TUBE1: variants seen among roughly 807,000 people sequenced by gnomAD.
The protein encoded by TUBE1 is tubulin epsilon chain.
Under a neutral mutation model 53.5 loss-of-function variants are expected in TUBE1, and 34 were observed. The observed-to-expected ratio is 0.64, with a 90% CI of 0.48 to 0.85. The LOEUF (loss-of-function observed/expected upper bound fraction) is 0.85, where lower values mean the gene tolerates loss of function less well. Ranked by LOEUF, TUBE1 falls within the 40% of genes least tolerant of loss-of-function variation. The pLI, the probability that TUBE1 is intolerant of heterozygous loss-of-function variation, is 0.00. For synonymous variants in TUBE1, 177 were observed against 198.4 expected, an observed-to-expected ratio of 0.89 and a Z score of 0.91; for missense variants, 532 against 570.5, an observed-to-expected ratio of 0.93 and a Z score of 0.69.
Position 112,072,919 on chromosome 6 carries a change from T to C in TUBE1, c.954-21A>G, listed in dbSNP as rs143388116. ...CCAATCTGCAACAATGAAATTGTCA[T>C]TGTTTATACAAAATATTACTTCTTT... On this transcript the variant is annotated intron_variant, in intron 9 of 11. Transcript: ENST00000368662. The C allele has an allele frequency of 2.6e-4, 411 of 1,610,180 alleles. 2 individuals are homozygous for C. The East Asian group carries it at 8.3e-3, about 33-fold the overall frequency.
At chr6:112,083,055 T>C (rs1295644765) in intron 4 of TUBE1, among the ~76,000 whole-genome samples, 1 of 152,134 alleles carries the variant, frequency 6.6e-6, no homozygotes, top group African/African-American at 2.4e-5. Flanking sequence ...AAGATTCAAC[T>C]GGGAGTAGTC....
chr6:112,081,255 A>G lies in TUBE1; in HGVS notation c.211-48T>C, dbSNP rs375397013. 3.0e-5 allele frequency: 32 copies of G among 1,051,896 alleles called. 1 individual carries two copies. In the East Asian group the frequency reaches 3.1e-4, roughly 10 times the overall value. The allele number at this position is 1,051,896 out of a possible 1,614,324, so 65.2% of individuals were successfully genotyped here. On this transcript the variant is annotated intron_variant, in intron 4 of 11. Coordinates refer to ENST00000368662, the MANE Select transcript of TUBE1 (RefSeq NM_016262.5). ...AATTAATGTATTTTCTTTTAGAGTTATTCACTCTGTAAATGAAAAGAATTT... is the reference window on the plus strand; with the variant it reads ...AATTAATGTATTTTCTTTTAGAGTTGTTCACTCTGTAAATGAAAAGAATTT...
At chr6:112,087,119 G>C (rs1357092342) in intron 2 of TUBE1, 114 bp downstream of exon 2, 2 of 873,446 alleles carry the variant, frequency 2.3e-6, no homozygotes, top group Non-Finnish European at 3.5e-6. Context: ...TCTTTACTGG[G>C]AAGATCCCAT....
In TUBE1 at chr6:112,083,508, C is replaced by T. The variant is rs187953972; in HGVS notation, c.210+681G>A. On this transcript the variant is annotated intron_variant, in intron 4 of 11. Coordinates refer to ENST00000368662, the MANE Select transcript of TUBE1 (RefSeq NM_016262.5). ...TAATTTTTTGTATTTTTAGTAGAGA[C>T]GGGGTTTCACCATGTTAGCCAGGAT... 5.1e-3 allele frequency among the ~76,000 whole-genome samples: 771 copies of T among 151,950 alleles called. 9 individuals carry two copies. Among genetic ancestry groups the T allele is most frequent in the African/African-American group, 0.017 (684 of 41,442 alleles).
chr6:112,072,615 G>T, intron 10 of TUBE1, 143 bp downstream of exon 10: 3 of 711,620 alleles, frequency 4.2e-6, no homozygotes, highest in Non-Finnish European at 6.5e-6. Flanking sequence ...AGAAAACAAG[G>T]CACAAAGAGA....
intron 5 of TUBE1, among the ~76,000 whole-genome samples, chr6:112,080,125 T>C (rs1276290782): frequency 6.6e-6 from 1 of 152,056 alleles, no homozygotes; most frequent in African/African-American, 2.4e-5. Flanking sequence ...TAGTGGATTT[T>C]ACATACTAAA....
intron 11 of TUBE1, 83 bp downstream of exon 11, chr6:112,071,819 G>T: frequency 7.5e-7 from 1 of 1,338,244 alleles, no homozygotes; most frequent in Non-Finnish European, 1.0e-6. Flanking sequence ...CATCACCCCT[G>T]ATTTGTAATA....
At chr6:112,080,156 C>G (rs1380498525) in intron 5 of TUBE1, among the ~76,000 whole-genome samples, 1 of 151,756 alleles carries the variant, frequency 6.6e-6, no homozygotes, top group African/African-American at 2.4e-5. Context: ...TGGTAAACTA[C>G]AGAGACACTG....
intron 2 of TUBE1, 41 bp downstream of exon 2, chr6:112,087,192 C>G (rs1777176243): frequency 1.3e-6 from 2 of 1,536,174 alleles, no homozygotes; most frequent in African/African-American, 2.7e-5. Context: ...GCTGGAAGAC[C>G]TAGCTGACAG....
chr6:112,081,408 T>G (rs1473962576), intron 4 of TUBE1, among the ~76,000 whole-genome samples: 1 of 152,070 alleles, frequency 6.6e-6, no homozygotes, highest in African/African-American at 2.4e-5. Context: ...AAAAAATGGA[T>G]TCTAAATTCT....
chr6:112,071,857 T>G (rs985373606), intron 11 of TUBE1, 45 bp downstream of exon 11: 3 of 1,528,320 alleles, frequency 2.0e-6, no homozygotes, highest in Non-Finnish European at 2.6e-6. Flanking sequence ...ACATCTTAAA[T>G]AGCCAAAATA....
At chr6:112,085,535 G>T (rs114744473) in intron 3 of TUBE1, 3,841 of 382,280 alleles carry the variant, frequency 0.01, 138 homozygotes, top group African/African-American at 0.076. Context: ...AAGGAAGTAT[G>T]ACAGAAGCAA....
rs372030819 is a variant in TUBE1 at position 112,072,814 on chromosome 6, A to T, written c.1038T>A (p.Cys346Ter). 4 of 1,613,632 alleles carry T rather than the reference A, an allele frequency of 2.5e-6. No individual in the cohort carries two copies. The highest frequency in any genetic ancestry group is 3.4e-6 in the Non-Finnish European group (4 of 1,179,756). ...GTACATTTCCTCTAACCATGAGTGC[A>T]CAGGCGAGGTAAAGACTGTGTTTGG... ...ADPKHSLYLA[C>*]ALMVRGNVQI... Residue 346 changes from cysteine to a stop codon, truncating the protein, a stop_gained, in exon 10 of 12, where the codon TGT becomes TGA. Transcript: ENST00000368662. LOFTEE classifies it high-confidence loss of function.
At chr6:112,082,080 A>G (rs1254764496) in intron 4 of TUBE1, among the ~76,000 whole-genome samples, 3 of 152,176 alleles carry the variant, frequency 2.0e-5, no homozygotes, top group Non-Finnish European at 2.9e-5. Context: ...CTGTTACCAT[A>G]TAACATTAAG....
intron 9 of TUBE1, among the ~76,000 whole-genome samples, chr6:112,074,347 A>G (rs1259228900): frequency 2.8e-5 from 4 of 144,312 alleles, no homozygotes; most frequent in African/African-American, 1.2e-4. Context: ...CCCAATAAGT[A>G]TATGAGGTAG....
Position 112,079,550 on chromosome 6 carries a change from T to A in TUBE1, c.448+83A>T, listed in dbSNP as rs1777034648. ...TAGTTCTATCTTTATCAAGCACAGG[T>A]CTAAAAACAAGACTTACGTTTGCAA... On this transcript the variant is annotated intron_variant, in intron 6 of 11. Coordinates refer to ENST00000368662, the MANE Select transcript of TUBE1 (RefSeq NM_016262.5). 7 of 1,404,056 alleles carry A rather than the reference T, an allele frequency of 5.0e-6. No homozygotes were observed. In the Admixed American group the frequency reaches 1.3e-4, roughly 26 times the overall value. 87.0% of individuals were successfully genotyped at this position (1,404,056 alleles called of 1,614,324 possible). A position where few individuals can be genotyped will look rare whatever the true frequency, so the allele number is the denominator to read the frequency against.
Position 112,071,988 on chromosome 6 carries a change from A to G in TUBE1, c.1183T>C (p.Ser395Pro). 6.2e-7 allele frequency: 1 copy of G among 1,613,394 alleles called. No homozygotes were observed. The highest frequency in any genetic ancestry group is 8.5e-7 in the Non-Finnish European group (1 of 1,179,666). ...GTGTTATTTGCTAAAGCTAATAACG[A>G]ATGAGAATGGCCCACAGGAGGTACG... Reference protein sequence around the residue: ...CSVPPVGHSHSLLALANNTCV... With the variant: ...CSVPPVGHSHPLLALANNTCV... Residue 395 changes from serine (S) to proline (P), a missense_variant, in exon 11 of 12, where the codon TCG (serine) becomes CCG (proline). Coordinates refer to ENST00000368662, the MANE Select transcript of TUBE1 (RefSeq NM_016262.5).
At position 112,071,420 on chromosome 6, in the gene TUBE1, C is replaced by T; in HGVS notation, c.1420G>A (p.Ala474Thr). The change falls in exon 12 of 12, where the codon GCT becomes ACT. Residue 474 changes from alanine to threonine, a missense_variant. Physicochemically the swap from Ala to Thr is moderately conservative, Grantham distance 58. Coordinates refer to ENST00000368662, the MANE Select transcript of TUBE1 (RefSeq NM_016262.5). ...TTTTGAGGGTTTCTTTTTCACATAG[C>T]TATGCTTAGTCTGGGTAAATCCTGC... is the stretch of plus-strand genomic sequence containing the variant. ...PVQDLPRLSIAM is the reference protein window; with the variant it reads ...PVQDLPRLSITM The T allele has an allele frequency of 1.3e-6, 2 of 1,572,568 alleles. No homozygotes were observed. The highest frequency in any genetic ancestry group is 8.7e-7 in the Non-Finnish European group (1 of 1,154,378).
chr6:112,075,068 CTT>C (rs371166684), intron 8 of TUBE1: 1,596 of 123,460 alleles, frequency 0.013, no homozygotes, highest in South Asian at 0.05. Context: ...TTTTTTCTTT[CTT>C]TTTTTTTTTT....
Sources: allele counts gnomAD v4.1 joint callset (sites outside exome capture counted in the v4.1 genomes callset), GRCh38; gene constraint gnomAD v4.1.1; transcripts MANE v1.5; gene names NCBI Gene and HGNC (gene_info 2026-07-23, HGNC 2026-07-21).